KCNG2: variants seen among roughly 807,000 people sequenced by gnomAD.
KCNG2 encodes the protein potassium voltage-gated channel modifier subfamily G member 2, also known as voltage-gated potassium channel regulatory subunit KCNG2.
In KCNG2, 7 loss-of-function variants were observed where a neutral mutation model predicts 12.3. That is an observed-to-expected ratio of 0.57 (90% CI 0.32 to 1.07). The LOEUF (loss-of-function observed/expected upper bound fraction) is 1.07, where lower values mean the gene tolerates loss of function less well. Ranked by LOEUF, KCNG2 falls within the 50% of genes least tolerant of loss-of-function variation. The probability of loss-of-function intolerance (pLI) is 0.04; values close to 1 mark genes in which losing one functional copy is unlikely to be tolerated. For missense variants in KCNG2, 703 were observed against 726.0 expected, an observed-to-expected ratio of 0.97 and a Z score of 0.36; for synonymous variants, 414 against 351.4, an observed-to-expected ratio of 1.18 and a Z score of -1.99.
intron 3 of KCNG2, among the ~76,000 whole-genome samples, chr18:79,879,328 C>T (rs1488923108): frequency 6.6e-6 from 1 of 152,176 alleles, no homozygotes; most frequent in Non-Finnish European, 1.5e-5. Flanking sequence ...GTCCAAGCAG[C>T]AGTTTAGCGC....
At chr18:79,813,810 G>A (rs897180975) in intron 1 of KCNG2, among the ~76,000 whole-genome samples, 8 of 152,188 alleles carry the variant, frequency 5.3e-5, no homozygotes, top group Non-Finnish European at 1.0e-4. Flanking sequence ...AGCATGAAGC[G>A]TAAAACTACA....
chr18:79,827,780 T>C (rs480567), intron 1 of KCNG2, among the ~76,000 whole-genome samples: 137,785 of 152,272 alleles, frequency 0.9, 64,001 homozygotes, highest in East Asian at 1. Context: ...TGTGGCTCCA[T>C]AGGAAAAATA....
At position 79,863,681 on chromosome 18, in the gene KCNG2, C is replaced by T; in HGVS notation, c.14C>T (p.Pro5Leu). The T allele has an allele frequency of 8.4e-7, 1 of 1,195,538 alleles. No homozygotes were observed. Among genetic ancestry groups the T allele is most frequent in the Non-Finnish European group, 1.0e-6 (1 of 965,534 alleles). 74.1% of individuals were successfully genotyped at this position (1,195,538 alleles called of 1,614,324 possible). A position where few individuals can be genotyped will look rare whatever the true frequency, so the allele number is the denominator to read the frequency against. Residue 5 changes from proline to leucine, a missense_variant, in exon 3 of 4, where the codon CCC (proline) becomes CTC (leucine). Coordinates refer to ENST00000316249, the MANE Select transcript of KCNG2 (RefSeq NM_012283.2). ...CCGGCCCTGCGCATGGAGCCATGGC[C>T]CTGCTCCCCGGGCGGCGGCGGCGGG... MEPWPCSPGGGGGTR... is the reference protein window; with the variant it reads MEPWLCSPGGGGGTR...
At position 79,831,936 on chromosome 18, in the gene KCNG2, G is replaced by A. The variant is rs571758165; in HGVS notation, c.-114-24443G>A. Among the ~76,000 whole-genome samples, 7 of 152,266 alleles carry A rather than the reference G, an allele frequency of 4.6e-5. No homozygotes were observed. The East Asian group carries it at 7.7e-4, about 17-fold the overall frequency. ...ATCCCAGCTTGGGCTCTTCTCCTTC[G>A]CTGTGACCTCCACCTGGGAGTTGGA... On this transcript the variant is annotated intron_variant, in intron 1 of 3. Coordinates refer to ENST00000316249, the MANE Select transcript of KCNG2 (RefSeq NM_012283.2).
chr18:79,891,261 C>T (rs140766215), intron 3 of KCNG2, among the ~76,000 whole-genome samples: 13 of 151,602 alleles, frequency 8.6e-5, no homozygotes, highest in Middle Eastern at 3.4e-3. Flanking sequence ...GACAGGGTCT[C>T]GCTCTGTCAC....
chr18:79,857,070 A>G (rs1377896821), intron 2 of KCNG2, among the ~76,000 whole-genome samples: 12 of 103,776 alleles, frequency 1.2e-4, no homozygotes, highest in Admixed American at 4.0e-4. Flanking sequence ...AGCCGCCCCC[A>G]CAGCCGCCCC....
chr18:79,851,381 A>G (rs1048646400), intron 1 of KCNG2, among the ~76,000 whole-genome samples: 5 of 152,208 alleles, frequency 3.3e-5, no homozygotes, highest in Non-Finnish European at 7.3e-5. Flanking sequence ...AGCCATAAGC[A>G]TCTAGAGTCT....
Position 79,832,349 on chromosome 18 carries a change from TTCCTCACCTGTCCA to T in KCNG2, c.-114-24019_-114-24006del, listed in dbSNP as rs1448426528. Among the ~76,000 whole-genome samples, 746 of 150,596 alleles carry T rather than the reference TTCCTCACCTGTCCA, an allele frequency of 5.0e-3. 5 individuals are homozygous for T. Among genetic ancestry groups the T allele is most frequent in the Middle Eastern group, 0.02 (6 of 294 alleles). ...CTCACCTGCCCATCCTTACCTGCCCTTCCTCACCTGTCCATCCTCACCTGCACTCACCTGCCCAT... is the reference window on the plus strand; with the variant it reads ...CTCACCTGCCCATCCTTACCTGCCCTTCCTCACCTGCACTCACCTGCCCAT... On this transcript the variant is annotated intron_variant, in intron 1 of 3. Coordinates refer to ENST00000316249, the MANE Select transcript of KCNG2 (RefSeq NM_012283.2).
chr18:79,857,521 C>T (rs187145139), intron 2 of KCNG2, among the ~76,000 whole-genome samples: 4 of 151,924 alleles, frequency 2.6e-5, no homozygotes, highest in East Asian at 3.9e-4. Flanking sequence ...ACGCTTGGGT[C>T]GAGTGGGCAG....
intron 1 of KCNG2, among the ~76,000 whole-genome samples, chr18:79,821,884 T>C (rs573816841): frequency 3.5e-4 from 54 of 152,342 alleles, no homozygotes; most frequent in Non-Finnish European, 6.5e-4. Flanking sequence ...GCCCTTCTTT[T>C]TCAAAATTGT....
At chr18:79,889,644 G>A (rs1013836523) in intron 3 of KCNG2, among the ~76,000 whole-genome samples, 30 of 152,196 alleles carry the variant, frequency 2.0e-4, no homozygotes, top group Admixed American at 2.0e-4. Flanking sequence ...GGATTCCTAA[G>A]GATTTTCTAT....
Position 79,864,100 on chromosome 18 carries a change from A to T in KCNG2, c.433A>T (p.Ser145Cys), listed in dbSNP as rs1412058155. ...GCCGACGGAGCGCGGGGCGCAGGGG[A>T]GCCCGGCGCGCGCCCTGGGACCTCG... ...AGPTERGAQG[S>C]PARALGPRGR... The change falls in exon 3 of 4, where the codon AGC (serine) becomes TGC (cysteine). Residue 145 changes from serine (S) to cysteine (C), a missense_variant. By Grantham distance (112) the Ser-to-Cys change is moderately radical (BLOSUM62 -1). Transcript: ENST00000316249. 1 of 1,097,986 alleles carries T rather than the reference A, an allele frequency of 9.1e-7. No individual in the cohort carries two copies. Among genetic ancestry groups the T allele is most frequent in the Non-Finnish European group, 1.1e-6 (1 of 904,476 alleles). 68.0% of individuals were successfully genotyped at this position (1,097,986 alleles called of 1,614,324 possible).
chr18:79,870,556 C>T (rs1599414072), intron 3 of KCNG2, among the ~76,000 whole-genome samples: 1 of 152,024 alleles, frequency 6.6e-6, no homozygotes, highest in African/African-American at 2.4e-5. Flanking sequence ...GGCTGGAGGC[C>T]AGGACAGACT....
At chr18:79,871,489 A>T (rs1039198350) in intron 3 of KCNG2, among the ~76,000 whole-genome samples, 2 of 151,752 alleles carry the variant, frequency 1.3e-5, no homozygotes, top group Admixed American at 6.6e-5. Flanking sequence ...GCTCTGGGCC[A>T]TGGCCCCTTC....
chr18:79,819,128 G>A (rs1351102834), intron 1 of KCNG2, among the ~76,000 whole-genome samples: 2 of 152,240 alleles, frequency 1.3e-5, no homozygotes, highest in African/African-American at 2.4e-5. Context: ...GGAGGCAGCA[G>A]CTCCACGGTA....
chr18:79,809,600 C>T (rs1045630744), intron 1 of KCNG2, among the ~76,000 whole-genome samples: 1 of 149,032 alleles, frequency 6.7e-6, no homozygotes, highest in Non-Finnish European at 1.5e-5. Context: ...GACCACACTC[C>T]ACGTTACGGT....
chr18:79,897,132 T>G lies in KCNG2; in HGVS notation c.625-1908T>G, dbSNP rs879817878. On this transcript the variant is annotated intron_variant, in intron 3 of 3. Coordinates refer to ENST00000316249, the MANE Select transcript of KCNG2 (RefSeq NM_012283.2). ...TAGGTTATTGTTTTTAAAAAATTGT[T>G]TTTTTTTTCAGCATTATCTCTCTGC... Among the ~76,000 whole-genome samples, 156 of 11,124 alleles carry G rather than the reference T, an allele frequency of 0.014. 2 individuals are homozygous for G. In the Non-Finnish European group the frequency reaches 0.2, roughly 14 times the overall value. The allele number at this position is 11,124 out of a possible 152,430, so 7.3% of individuals were successfully genotyped here.
At position 79,884,791 on chromosome 18, in the gene KCNG2, C is replaced by T. The variant is rs1568270759; in HGVS notation, c.625-14249C>T. Among the ~76,000 whole-genome samples, 1 of 152,186 alleles carries T rather than the reference C, an allele frequency of 6.6e-6. No homozygotes were observed. The highest frequency in any genetic ancestry group is 2.1e-4 in the South Asian group (1 of 4,830). On this transcript the variant is annotated intron_variant, in intron 3 of 3. Transcript: ENST00000316249. The surrounding 1 kb of genome is among the most constrained non-coding windows in gnomAD (Gnocchi z 5.5). ...GGGCTCATCCTGGGGCCCAGGAACT[C>T]GGGAGCGGTTTACCCACAGGTTCCT...
At chr18:79,831,925 T>G (rs1978298439) in intron 1 of KCNG2, among the ~76,000 whole-genome samples, 1 of 152,216 alleles carries the variant, frequency 6.6e-6, no homozygotes, top group Admixed American at 6.5e-5. Context: ...CAGCTTGGGC[T>G]CTTCTCCTTC....
Sources: allele counts gnomAD v4.1 joint callset (sites outside exome capture counted in the v4.1 genomes callset), GRCh38; gene constraint gnomAD v4.1.1; non-coding constraint Gnocchi (gnomAD v3.1); transcripts MANE v1.5; gene names NCBI Gene and HGNC (gene_info 2026-07-23, HGNC 2026-07-21).